PKHD1: variants seen among roughly 807,000 people sequenced by gnomAD.
PKHD1 encodes the protein PKHD1 ciliary IPT domain containing fibrocystin/polyductin, also known as fibrocystin.
Under a neutral mutation model 412.0 loss-of-function variants are expected in PKHD1, and 291 were observed. The ratio of observed to expected loss-of-function variants is 0.71; its 90% CI spans 0.64 to 0.78. The LOEUF (loss-of-function observed/expected upper bound fraction) is 0.78, where lower values mean the gene tolerates loss of function less well. PKHD1 is among the 30% of genes least tolerant of loss of function. The pLI, the probability that PKHD1 is intolerant of heterozygous loss-of-function variation, is 0.00. For missense variants in PKHD1, 4,825 were observed against 4,950.7 expected, an observed-to-expected ratio of 0.97 and a Z score of 0.76; for synonymous variants, 1,777 against 1,821.5, an observed-to-expected ratio of 0.98 and a Z score of 0.62.
rs536008579 is a variant in PKHD1 at position 51,638,222 on chromosome 6, C to T, written c.11506+627G>A. 1.1e-3 allele frequency among the ~76,000 whole-genome samples: 175 copies of T among 152,290 alleles called. 1 individual carries two copies. Among genetic ancestry groups the T allele is most frequent in the Middle Eastern group, 6.8e-3 (2 of 294 alleles). On this transcript the variant is annotated intron_variant, in intron 64 of 66. Coordinates refer to ENST00000371117, the MANE Select transcript of PKHD1 (RefSeq NM_138694.4). ...ACTTATTTCAACATTTCTTCCCTGGCTATACGATCACTATCTCCCAAATGC... is the reference window on the plus strand; with the variant it reads ...ACTTATTTCAACATTTCTTCCCTGGTTATACGATCACTATCTCCCAAATGC...
At chr6:51,654,043 T>C (rs1771401127) in intron 61 of PKHD1, among the ~76,000 whole-genome samples, 1 of 152,146 alleles carries the variant, frequency 6.6e-6, no homozygotes, top group Non-Finnish European at 1.5e-5. Context: ...AGAGATTTAA[T>C]TCAAGATATT....
At chr6:52,009,036 CT>C (rs1187507697) in intron 35 of PKHD1, among the ~76,000 whole-genome samples, 1 of 152,194 alleles carries the variant, frequency 6.6e-6, no homozygotes, top group Non-Finnish European at 1.5e-5. Context: ...CTACAATACA[CT>C]TTTGAAATGT....
At position 52,025,751 on chromosome 6, in the gene PKHD1, G is replaced by A. The variant is rs112583088; in HGVS notation, c.4059C>T (p.Ser1353=). 2.5e-6 allele frequency: 4 copies of A among 1,614,196 alleles called. No individual in the cohort carries two copies. The highest frequency in any genetic ancestry group is 8.5e-7 in the Non-Finnish European group (1 of 1,180,024). The change falls in exon 32 of 67, where the codon TCC becomes TCT. Residue 1353 remains serine (S), a synonymous_variant. Coordinates refer to ENST00000371117, the MANE Select transcript of PKHD1 (RefSeq NM_138694.4). Reference sequence around the variant, plus strand: ...CAGCCTCCAGACTGTGAAGAGGGATGGAGCATCCAGACAGGCTCACGTTGC... The same window carrying A: ...CAGCCTCCAGACTGTGAAGAGGGATAGAGCATCCAGACAGGCTCACGTTGC... ...FQGNVSLSGC[S]IPLHSLEAGI...
At chr6:51,828,638 A>C (rs1443812578) in intron 52 of PKHD1, among the ~76,000 whole-genome samples, 2 of 152,146 alleles carry the variant, frequency 1.3e-5, no homozygotes, top group African/African-American at 4.8e-5. Context: ...ACTTCATCCA[A>C]ATGATGCTTA....
At chr6:51,713,968 T>G (rs1340407564) in intron 60 of PKHD1, among the ~76,000 whole-genome samples, 1 of 152,164 alleles carries the variant, frequency 6.6e-6, no homozygotes, top group Non-Finnish European at 1.5e-5. Flanking sequence ...CCTGTCTATC[T>G]GTAAACTCCT....
rs201858937 is a variant in PKHD1 at position 52,025,252 on chromosome 6, C to T, written c.4558G>A (p.Val1520Met). ...ACATTGCAAGGAAGTTGATCATCCACAAATACCATCGGCTCATCAGCTGTG... is the reference window on the plus strand; with the variant it reads ...ACATTGCAAGGAAGTTGATCATCCATAAATACCATCGGCTCATCAGCTGTG... The part of the protein sequence containing the change: ...ATTADEPMVF[V>M]DDQLPCNVTF... Residue 1520 changes from valine to methionine, a missense_variant, in exon 32 of 67, where the codon GTG becomes ATG. Coordinates refer to ENST00000371117, the MANE Select transcript of PKHD1 (RefSeq NM_138694.4). The T allele has an allele frequency of 4.7e-5, 76 of 1,614,024 alleles. No individual in the cohort carries two copies. Among genetic ancestry groups the T allele is most frequent in the Non-Finnish European group, 3.0e-5 (35 of 1,180,038 alleles).
In PKHD1 at chr6:51,616,462, T is replaced by C; in HGVS notation, c.*2619A>G. On this transcript the variant is annotated 3_prime_UTR_variant, in exon 67 of 67. Coordinates refer to ENST00000371117, the MANE Select transcript of PKHD1 (RefSeq NM_138694.4). ...GGCCTACAGTGGTGCTCAAATTGGC[T>C]CATCTCCAGACATGAATGAACATAG... 1 of 387,200 alleles carries C rather than the reference T, an allele frequency of 2.6e-6. No individual in the cohort carries two copies. The highest frequency in any genetic ancestry group is 4.5e-5 in the Admixed American group (1 of 22,438). 24.0% of individuals were successfully genotyped at this position (387,200 alleles called of 1,614,324 possible).
At chr6:52,051,480 A>G (rs1806836657) in intron 21 of PKHD1, among the ~76,000 whole-genome samples, 1 of 152,218 alleles carries the variant, frequency 6.6e-6, no homozygotes, top group African/African-American at 2.4e-5. Flanking sequence ...CATTGCCAGC[A>G]GGGTTAATGT....
intron 36 of PKHD1, among the ~76,000 whole-genome samples, chr6:51,958,229 A>G (rs1276300331): frequency 6.6e-6 from 1 of 151,716 alleles, no homozygotes; most frequent in Non-Finnish European, 1.5e-5. Context: ...CTCCTCCCCA[A>G]GAGAAAGAAG....
At chr6:52,085,051 T>C in intron 1 of PKHD1, 34 bp from the exon 2 acceptor site, 1 of 788,288 alleles carries the variant, frequency 1.3e-6, no homozygotes, top group South Asian at 1.4e-5. Flanking sequence ...AAAAAAATTA[T>C]CATTTTGTTT....
At chr6:51,761,598 C>A (rs1208623264) in intron 55 of PKHD1, among the ~76,000 whole-genome samples, 2 of 151,316 alleles carry the variant, frequency 1.3e-5, no homozygotes, top group African/African-American at 4.9e-5. Context: ...AGTATCCTTA[C>A]CACAAAAAAA....
intron 35 of PKHD1, among the ~76,000 whole-genome samples, chr6:52,009,205 C>A (rs940636253): frequency 6.6e-6 from 1 of 152,002 alleles, no homozygotes; most frequent in African/African-American, 2.4e-5. Flanking sequence ...CAGGCTATCA[C>A]CTGAAGGGAA....
intron 35 of PKHD1, among the ~76,000 whole-genome samples, chr6:51,986,506 G>A (rs1364491610): frequency 6.6e-6 from 1 of 152,172 alleles, no homozygotes; most frequent in African/African-American, 2.4e-5. Flanking sequence ...ACAGTCATGG[G>A]CCATTTAGCA....
chr6:51,639,075 G>C, intron 63 of PKHD1, 119 bp from the exon 64 acceptor site: 1 of 783,542 alleles, frequency 1.3e-6, no homozygotes, highest in African/African-American at 1.7e-5. Context: ...AACTCAAAGA[G>C]GTTACCTAAT....
chr6:51,895,055 C>T (rs928963752), intron 43 of PKHD1, among the ~76,000 whole-genome samples: 2 of 152,220 alleles, frequency 1.3e-5, no homozygotes, highest in African/African-American at 2.4e-5. Context: ...CATACACACA[C>T]ACCTTGTTAT....
At chr6:51,826,423 C>T (rs74638261) in intron 52 of PKHD1, among the ~76,000 whole-genome samples, 8,316 of 152,192 alleles carry the variant, frequency 0.055, 237 homozygotes, top group South Asian at 0.071. Context: ...TATTTGCACC[C>T]TTCAAAACAG....
chr6:52,072,063 C>T, intron 8 of PKHD1, 52 bp downstream of exon 8: 2 of 985,844 alleles, frequency 2.0e-6, no homozygotes, highest in East Asian at 2.4e-5. Context: ...GTGTTGTATC[C>T]ATGTGGACGA....
chr6:52,048,666 C>A, intron 22 of PKHD1, 47 bp from the exon 23 acceptor site: 1 of 1,611,240 alleles, frequency 6.2e-7, no homozygotes, highest in Middle Eastern at 1.9e-4. Context: ...TTGGGGTGTG[C>A]ACCTAGGAGG....
intron 60 of PKHD1, chr6:51,721,827 A>G (rs1781960021): frequency 2.0e-6 from 3 of 1,503,754 alleles, no homozygotes; most frequent in Non-Finnish European, 2.7e-6. Context: ...GGCTGCCATC[A>G]ATCTCCTCCC....
Sources: allele counts gnomAD v4.1 joint callset (sites outside exome capture counted in the v4.1 genomes callset), GRCh38; gene constraint gnomAD v4.1.1; transcripts MANE v1.5; gene names NCBI Gene and HGNC (gene_info 2026-07-23, HGNC 2026-07-21).